NIN: variants seen among roughly 807,000 people sequenced by gnomAD.
NIN encodes ninein.
A neutral mutation model predicts 257.6 loss-of-function variants in NIN; 137 were observed. That is an observed-to-expected ratio of 0.53 (90% CI 0.46 to 0.61). The LOEUF (loss-of-function observed/expected upper bound fraction) is 0.61, where lower values mean the gene tolerates loss of function less well. NIN is among the 20% of genes least tolerant of loss of function. NIN has a pLI of 0.00. For synonymous variants in NIN, 918 were observed against 919.8 expected (o/e 1.00, Z 0.04); for missense variants, 2,439 against 2,501.2 (o/e 0.98, Z 0.53).
At position 50,720,974 on chromosome 14, in the gene NIN, A is replaced by T. The variant is rs2140294161; in HGVS notation, c.*2489T>A. ...AATATATAACTTAATATTTTGAAGA[A>T]TGCTATTGTAAAGTTTGAAACAAGA... On this transcript the variant is annotated 3_prime_UTR_variant, in exon 31 of 31. Coordinates refer to ENST00000530997, the MANE Select transcript of NIN (RefSeq NM_020921.4). 1 of 191,538 alleles carries T rather than the reference A, an allele frequency of 5.2e-6. No individual in the cohort carries two copies. The highest frequency in any genetic ancestry group is 1.9e-4 in the South Asian group (1 of 5,166). 11.9% of individuals were successfully genotyped at this position (191,538 alleles called of 1,614,324 possible).
intron 28 of NIN, among the ~76,000 whole-genome samples, chr14:50,731,320 A>G (rs1268183294): frequency 4.6e-4 from 70 of 151,990 alleles, no homozygotes; most frequent in Non-Finnish European, 1.2e-4. Context: ...ACTTGGGGTC[A>G]GGAGTTCAAG....
At position 50,763,679 on chromosome 14, in the gene NIN, G is replaced by A. The variant is rs1341965417; in HGVS notation, c.1774+147C>T. On this transcript the variant is annotated intron_variant, in intron 15 of 30. Transcript: ENST00000530997. ...GGACAAATGAAAAACGAGACCACAAGTGAAACAGCTCAAGAAAAGAGTATG... is the reference window on the plus strand; with the variant it reads ...GGACAAATGAAAAACGAGACCACAAATGAAACAGCTCAAGAAAAGAGTATG... 17 of 629,996 alleles carry A rather than the reference G, an allele frequency of 2.7e-5. No homozygotes were observed. In the East Asian group the frequency reaches 4.7e-4, roughly 17 times the overall value. 39.0% of individuals were successfully genotyped at this position (629,996 alleles called of 1,614,324 possible). A position where few individuals can be genotyped will look rare whatever the true frequency, so the allele number is the denominator to read the frequency against.
intron 25 of NIN, 108 bp downstream of exon 25, chr14:50,741,474 G>T: frequency 3.7e-6 from 3 of 819,180 alleles, no homozygotes; most frequent in Non-Finnish European, 5.7e-6. Context: ...CATAAAATAT[G>T]CATATTTATA....
intron 12 of NIN, 28 bp from the exon 13 acceptor site, chr14:50,766,918 G>T: frequency 6.8e-7 from 1 of 1,480,000 alleles, no homozygotes. Context: ...AATTAAATGT[G>T]GTACAGATTA....
rs1194138984 is a variant in NIN at position 50,792,628 on chromosome 14, C to T, written c.435+84G>A. The T allele has an allele frequency of 1.8e-5, 27 of 1,467,302 alleles. 1 individual carries two copies. Among genetic ancestry groups the T allele is most frequent in the African/African-American group, 9.8e-5 (7 of 71,672 alleles). The allele number at this position is 1,467,302 out of a possible 1,614,324, so 90.9% of individuals were successfully genotyped here. ...AAAAGCCCACATCGTGCCATCAACC[C>T]CCTCAGCTCCCCTGTCTCTGTGCTG... On this transcript the variant is annotated intron_variant, in intron 5 of 30. Coordinates refer to ENST00000530997, the MANE Select transcript of NIN (RefSeq NM_020921.4).
intron 21 of NIN, among the ~76,000 whole-genome samples, chr14:50,749,353 C>T (rs528739977): frequency 7.3e-4 from 111 of 152,204 alleles, no homozygotes; most frequent in Non-Finnish European, 1.2e-3. Flanking sequence ...AAAACCATAA[C>T]AACCCTAGAA....
intron 5 of NIN, among the ~76,000 whole-genome samples, chr14:50,780,570 A>G (rs1252062714): frequency 3.3e-5 from 5 of 152,030 alleles, no homozygotes. Flanking sequence ...TATTCTCCAC[A>G]CTCACTAGTG....
intron 7 of NIN, 97 bp downstream of exon 7, chr14:50,776,852 A>G (rs1392018460): frequency 1.8e-6 from 2 of 1,083,280 alleles, no homozygotes; most frequent in Admixed American, 2.5e-5. Context: ...AATGGAGCCT[A>G]ACAAGCTGCA....
intron 12 of NIN, among the ~76,000 whole-genome samples, chr14:50,767,627 C>T (rs891970140): frequency 1.3e-5 from 2 of 152,054 alleles, no homozygotes; most frequent in African/African-American, 4.8e-5. Flanking sequence ...ACCATCCTGG[C>T]GAACACGGTG....
intron 5 of NIN, among the ~76,000 whole-genome samples, chr14:50,784,706 G>A (rs1288567096): frequency 6.6e-6 from 1 of 151,850 alleles, no homozygotes; most frequent in Admixed American, 6.6e-5. Flanking sequence ...ACATCATGTT[G>A]TACACTGTAA....
intron 3 of NIN, among the ~76,000 whole-genome samples, chr14:50,808,201 G>T (rs1445897611): frequency 6.6e-6 from 1 of 151,988 alleles, no homozygotes; most frequent in Non-Finnish European, 1.5e-5. Flanking sequence ...CTGTAGAAAG[G>T]TAGGCTATGT....
Position 50,727,408 on chromosome 14 carries a change from C to T in NIN, c.6079-1342G>A. The T allele has an allele frequency of 3.7e-6, 4 of 1,072,850 alleles. No homozygotes were observed. In the South Asian group the frequency reaches 1.2e-4, roughly 33 times the overall value. The allele number at this position is 1,072,850 out of a possible 1,614,324, so 66.5% of individuals were successfully genotyped here. A position where few individuals can be genotyped will look rare whatever the true frequency, so the allele number is the denominator to read the frequency against. On this transcript the variant is annotated intron_variant, in intron 29 of 30. Transcript: ENST00000530997. ...AATGAGAAAATATATAGACTACATC[C>T]TTTCAAGAATCTTAAATCCACACTC...
intron 2 of NIN, among the ~76,000 whole-genome samples, chr14:50,828,904 A>T (rs1002769178): frequency 6.6e-6 from 1 of 152,196 alleles, no homozygotes; most frequent in African/African-American, 2.4e-5. Context: ...AAATAAGAAA[A>T]AAGAACCCCA....
At chr14:50,778,044 G>A (rs1442894165) in intron 6 of NIN, among the ~76,000 whole-genome samples, 1 of 152,218 alleles carries the variant, frequency 6.6e-6, no homozygotes, top group East Asian at 1.9e-4. Flanking sequence ...ACAGAGGGCT[G>A]TGAAGTGGGC....
At chr14:50,764,457 G>A (rs902516003) in intron 14 of NIN, among the ~76,000 whole-genome samples, 10 of 152,004 alleles carry the variant, frequency 6.6e-5, no homozygotes, top group African/African-American at 1.9e-4. Flanking sequence ...TTCCTAAAAC[G>A]GTTAAACATA....
At chr14:50,811,092 G>A (rs1441806830) in intron 3 of NIN, among the ~76,000 whole-genome samples, 3 of 151,566 alleles carry the variant, frequency 2.0e-5, no homozygotes, top group African/African-American at 4.8e-5. Flanking sequence ...GATTCATTAA[G>A]TGAATCCTGA....
chr14:50,765,667 A>T (rs1189917953), intron 14 of NIN, among the ~76,000 whole-genome samples: 2 of 151,798 alleles, frequency 1.3e-5, no homozygotes, highest in Non-Finnish European at 2.9e-5. Flanking sequence ...ATGATTTACT[A>T]GCTAAGACTT....
chr14:50,738,142 T>C lies in NIN; in HGVS notation c.5773A>G (p.Lys1925Glu), dbSNP rs1440338885. 4 of 1,613,968 alleles carry C rather than the reference T, an allele frequency of 2.5e-6. No homozygotes were observed. The highest frequency in any genetic ancestry group is 1.1e-5 in the South Asian group (1 of 91,034). Reference protein sequence around the residue: ...FQKEQSPANRKVSQMNSLEQE... With the variant: ...FQKEQSPANREVSQMNSLEQE... ...GCCATATATTCTCAAAAACTCACCT[T>C]CCTGTTAGCAGGAGATTGTTCTTTC... The change falls in exon 27 of 31, where the codon AAG becomes GAG. Residue 1925 changes from lysine to glutamate, a missense_variant and splice_region_variant. Transcript: ENST00000530997.
chr14:50,733,852 G>GA (rs2040839688), intron 28 of NIN, among the ~76,000 whole-genome samples: 1 of 151,922 alleles, frequency 6.6e-6, no homozygotes, highest in Non-Finnish European at 1.5e-5. Context: ...GTTAAAAAAA[G>GA]AAAAAATGGT....
Sources: allele counts gnomAD v4.1 joint callset (sites outside exome capture counted in the v4.1 genomes callset), GRCh38; gene constraint gnomAD v4.1.1; transcripts MANE v1.5; gene names NCBI Gene and HGNC (gene_info 2026-07-23, HGNC 2026-07-21).